Variants in PDZD2 observed in about 807,000 individuals in gnomAD.
PDZD2 encodes PDZ domain-containing protein 2.
PDZD2 carries 90 observed loss-of-function variants against 220.7 expected under a neutral mutation model. The observed-to-expected ratio is 0.41, with a 90% CI of 0.34 to 0.49. The LOEUF is 0.49. Ranked by LOEUF, PDZD2 falls within the 20% of genes least tolerant of loss-of-function variation. The pLI is 0.28. For synonymous variants in PDZD2, 1,375 were observed against 1,450.5 expected, an observed-to-expected ratio of 0.95 and a Z score of 1.18; for missense variants, 3,174 against 3,608.5, an observed-to-expected ratio of 0.88 and a Z score of 3.08.
At chr5:32,004,646 A>G (rs1752665914) in intron 5 of PDZD2, among the ~76,000 whole-genome samples, 1 of 152,370 alleles carries the variant, frequency 6.6e-6, no homozygotes, top group Non-Finnish European at 1.5e-5. Context: ...GAGGTCACAC[A>G]GCAGTAGAAA....
chr5:32,040,187 A>G (rs1176096472), intron 7 of PDZD2, among the ~76,000 whole-genome samples: 5 of 112,386 alleles, frequency 4.4e-5, no homozygotes, highest in African/African-American at 1.0e-4. Context: ...CATCTGGGAG[A>G]TGAGGAGCGC....
chr5:31,706,993 G>T (rs1167462009), intron 1 of PDZD2, among the ~76,000 whole-genome samples: 1 of 151,960 alleles, frequency 6.6e-6, no homozygotes, highest in Non-Finnish European at 1.5e-5. Context: ...TTTTAAGGAG[G>T]TAATTAAAGT....
At chr5:32,014,002 C>T (rs796085379) in intron 6 of PDZD2, among the ~76,000 whole-genome samples, 1 of 152,232 alleles carries the variant, frequency 6.6e-6, no homozygotes, top group Non-Finnish European at 1.5e-5. Context: ...CACAGTCTAC[C>T]AGGGTCGGCC....
chr5:31,826,774 G>A (rs928643499), intron 2 of PDZD2, among the ~76,000 whole-genome samples: 3 of 152,030 alleles, frequency 2.0e-5, no homozygotes, highest in Admixed American at 6.6e-5. Context: ...CATGCATTAG[G>A]TATATGCTTC....
chr5:31,852,677 A>G (rs576281989), intron 2 of PDZD2, among the ~76,000 whole-genome samples: 1 of 151,950 alleles, frequency 6.6e-6, no homozygotes, highest in African/African-American at 2.4e-5. Context: ...GCTCACTGCA[A>G]CCTCTGCCTT....
chr5:31,790,161 G>A (rs1753616366), intron 1 of PDZD2, among the ~76,000 whole-genome samples: 1 of 152,048 alleles, frequency 6.6e-6, no homozygotes, highest in African/African-American at 2.4e-5. Context: ...AGGCTGGAGT[G>A]CAGTGGTGCA....
chr5:32,015,288 C>A lies in PDZD2; in HGVS notation c.1407+4806C>A, dbSNP rs181499699. On this transcript the variant is annotated intron_variant, in intron 6 of 24. Transcript: ENST00000438447. ...AGACAGGGTCTTGCTCTGGCGGTAC[C>A]CAGGCTGAAGTGCAGTGGTGTGATC... Among the ~76,000 whole-genome samples the A allele has an allele frequency of 2.2e-3, 340 of 152,060 alleles. 2 individuals are homozygous for A. The highest frequency in any genetic ancestry group is 7.6e-3 in the African/African-American group (317 of 41,480).
intron 15 of PDZD2, 101 bp downstream of exon 15, chr5:32,069,751 A>G (rs1284197124): frequency 2.9e-6 from 2 of 682,288 alleles, no homozygotes; most frequent in Non-Finnish European, 5.3e-6. Context: ...CTTGGTAATT[A>G]TCAGGTTTGG....
intron 3 of PDZD2, among the ~76,000 whole-genome samples, chr5:31,992,089 T>C (rs1235389952): frequency 6.6e-6 from 1 of 152,152 alleles, no homozygotes; most frequent in African/African-American, 2.4e-5. Flanking sequence ...TTCTTGTTGC[T>C]TGTGTCTTCC....
chr5:32,015,206 T>A (rs947063963), intron 6 of PDZD2, among the ~76,000 whole-genome samples: 4 of 152,056 alleles, frequency 2.6e-5, no homozygotes, highest in Admixed American at 2.6e-4. Flanking sequence ...CCTCCCAAAG[T>A]GCTGGGATTA....
At chr5:31,789,522 C>T (rs1033847259) in intron 1 of PDZD2, among the ~76,000 whole-genome samples, 3 of 152,238 alleles carry the variant, frequency 2.0e-5, no homozygotes, top group Non-Finnish European at 2.9e-5. Flanking sequence ...GACTAGAGCC[C>T]CAGACTTCTG....
intron 16 of PDZD2, 43 bp downstream of exon 16, chr5:32,071,461 A>G (rs753527117): frequency 4.0e-6 from 6 of 1,502,608 alleles, no homozygotes; most frequent in Non-Finnish European, 5.6e-6. Context: ...CAGCTGGACC[A>G]CAAACTAATT....
intron 2 of PDZD2, among the ~76,000 whole-genome samples, chr5:31,942,324 GACCAA>G (rs1161367027): frequency 1.6e-4 from 25 of 152,146 alleles, no homozygotes; most frequent in Non-Finnish European, 5.9e-5. Context: ...TTTTTTGGGT[GACCAA>G]ACCTAGATAA....
chr5:31,766,568 T>A (rs1013047846), intron 1 of PDZD2, among the ~76,000 whole-genome samples: 1 of 152,022 alleles, frequency 6.6e-6, no homozygotes, highest in African/African-American at 2.4e-5. Flanking sequence ...TTTTTTGAAT[T>A]TTTAGTAGAG....
chr5:32,072,497 G>A (rs932109686), intron 17 of PDZD2, among the ~76,000 whole-genome samples, 180 bp downstream of exon 17: 1 of 152,218 alleles, frequency 6.6e-6, no homozygotes, highest in Non-Finnish European at 1.5e-5. Flanking sequence ...TGGGGAGGCC[G>A]AGGCGGGGGG....
At chr5:31,695,526 T>G (rs1472294737) in intron 1 of PDZD2, among the ~76,000 whole-genome samples, 2 of 152,256 alleles carry the variant, frequency 1.3e-5, no homozygotes, top group Non-Finnish European at 2.9e-5. Flanking sequence ...TTGTTCATCA[T>G]GCATTTTTGT....
rs780789832 is a variant in PDZD2, at chr5:32,098,242, AAAAAAT to A, written c.7948-110_7948-105del. The A allele has an allele frequency of 1.9e-3, 1,889 of 1,016,060 alleles. 5 individuals carry two copies. The highest frequency in any genetic ancestry group is 2.3e-3 in the Non-Finnish European group (1,584 of 703,364). 62.9% of individuals were successfully genotyped at this position (1,016,060 alleles called of 1,614,324 possible). A position where few individuals can be genotyped will look rare whatever the true frequency, so the allele number is the denominator to read the frequency against. On this transcript the variant is annotated intron_variant, in intron 22 of 24. Transcript: ENST00000438447. The surrounding 1 kb of genome is among the most constrained non-coding windows in gnomAD (Gnocchi z 4.1). ...GGGTGACACAGCGAGACTCCCTCTC[AAAAAAT>A]AAAAATAAAAAAGGAAGGTTCCTTT... is the stretch of plus-strand genomic sequence containing the variant.
intron 2 of PDZD2, among the ~76,000 whole-genome samples, chr5:31,877,495 A>G (rs1739412947): frequency 6.6e-6 from 1 of 152,130 alleles, no homozygotes; most frequent in Non-Finnish European, 1.5e-5. Context: ...ATAGGATTAC[A>G]GGCATGAGAC....
intron 2 of PDZD2, among the ~76,000 whole-genome samples, chr5:31,904,262 A>T (rs1324581099): frequency 1.3e-5 from 2 of 152,190 alleles, no homozygotes; most frequent in Non-Finnish European, 2.9e-5. Context: ...ATCAGCCACA[A>T]ATGTTAAAAA....
Sources: allele counts gnomAD v4.1 joint callset (sites outside exome capture counted in the v4.1 genomes callset), GRCh38; gene constraint gnomAD v4.1.1; non-coding constraint Gnocchi (gnomAD v3.1); transcripts MANE v1.5; gene names NCBI Gene and HGNC (gene_info 2026-07-23, HGNC 2026-07-21).